NCKAP1L: variants seen among roughly 807,000 people sequenced by gnomAD.
The protein encoded by NCKAP1L is NCK associated protein 1 like.
Under a neutral mutation model 139.2 loss-of-function variants are expected in NCKAP1L, and 53 were observed. The observed-to-expected ratio is 0.38, with a 90% CI of 0.31 to 0.48. NCKAP1L has a LOEUF of 0.48. Ranked by LOEUF, NCKAP1L falls within the 20% of genes least tolerant of loss-of-function variation. NCKAP1L has a pLI of 0.98. For missense variants in NCKAP1L, 1,151 were observed against 1,381.9 expected, an observed-to-expected ratio of 0.83 and a Z score of 2.65; for synonymous variants, 468 against 499.7, an observed-to-expected ratio of 0.94 and a Z score of 0.85.
At chr12:54,518,101 G>C (rs1345393400) in intron 13 of NCKAP1L, among the ~76,000 whole-genome samples, 163 bp downstream of exon 13, 1 of 152,044 alleles carries the variant, frequency 6.6e-6, no homozygotes, top group Non-Finnish European at 1.5e-5. Flanking sequence ...AGCACTTTGG[G>C]AGGCCTAGGC....
Position 54,498,724 on chromosome 12 carries a change from C to G in NCKAP1L, c.103-631C>G, listed in dbSNP as rs1592333899. On this transcript the variant is annotated intron_variant, in intron 1 of 30. Transcript: ENST00000293373. The stretch of plus-strand genomic sequence containing the variant: ...TCTTGTACAAAGTCTAACTCCTGAG[C>G]AGCTGCTTTTCTTGTTCCTTCCGGC... The G allele has an allele frequency of 5.5e-6, 5 of 903,426 alleles. No homozygotes were observed. In the South Asian group the frequency reaches 1.5e-4, roughly 28 times the overall value. 56.0% of individuals were successfully genotyped at this position (903,426 alleles called of 1,614,324 possible).
chr12:54,514,857 G>C (rs945403777), intron 9 of NCKAP1L, among the ~76,000 whole-genome samples: 1 of 152,134 alleles, frequency 6.6e-6, no homozygotes, highest in African/African-American at 2.4e-5. Flanking sequence ...AGTTACAGGA[G>C]GTGGATTTGG....
At chr12:54,521,315 C>A in intron 18 of NCKAP1L, 77 bp downstream of exon 18, 1 of 1,571,586 alleles carries the variant, frequency 6.4e-7, no homozygotes, top group Non-Finnish European at 8.7e-7. Context: ...CTTTGTTTCC[C>A]TCTCAGATGC....
In NCKAP1L at chr12:54,518,638, G is replaced by A. The variant is rs184215810; in HGVS notation, c.1339-13G>A. ...CTGTGCCCACTTGACAGTAACTGCA[G>A]CTCCTTTTTTAGAACTTGTCTGTGT... On this transcript the variant is annotated splice_polypyrimidine_tract_variant and intron_variant, in intron 13 of 30. Coordinates refer to ENST00000293373, the MANE Select transcript of NCKAP1L (RefSeq NM_005337.5). 1.2e-5 allele frequency: 20 copies of A among 1,612,506 alleles called. No homozygotes were observed. In the East Asian group the frequency reaches 1.8e-4, roughly 14 times the overall value.
At chr12:54,538,092 C>T (rs1022357300) in intron 29 of NCKAP1L, among the ~76,000 whole-genome samples, 1 of 152,116 alleles carries the variant, frequency 6.6e-6, no homozygotes. Context: ...AGTATGGTCC[C>T]GATATAAGAA....
rs781478498 is a variant in NCKAP1L at position 54,536,169 on chromosome 12, G to A, written c.2997G>A (p.Leu999=). 2 of 1,613,368 alleles carry A rather than the reference G, an allele frequency of 1.2e-6. No individual in the cohort carries two copies. The highest frequency in any genetic ancestry group is 1.3e-5 in the African/African-American group (1 of 74,864). ...SPEEEYKVAC[L]LLIFLAVSLP... ...AGGAGGAATATAAGGTGGCCTGCCT[G>A]CTCTTGATCTTTCTGGCAGTTTCCC... The change falls in exon 28 of 31, where the codon CTG becomes CTA. Residue 999 remains leucine, a synonymous_variant. Transcript: ENST00000293373.
At chr12:54,538,837 G>A (rs1957133851) in intron 29 of NCKAP1L, 47 bp from the exon 30 acceptor site, 4 of 1,440,556 alleles carry the variant, frequency 2.8e-6, no homozygotes, top group Non-Finnish European at 3.9e-6. Context: ...GAGGCCATTT[G>A]ATACTGACCT....
chr12:54,519,199 G>A lies in NCKAP1L; in HGVS notation c.1492G>A (p.Val498Met), dbSNP rs761500036. 102 of 1,565,132 alleles carry A rather than the reference G, an allele frequency of 6.5e-5. No individual in the cohort carries two copies. The highest frequency in any genetic ancestry group is 7.9e-5 in the Non-Finnish European group (92 of 1,163,576). Reference protein sequence around the residue: ...DWFRLQAYTSVAKAPLHLHEN... With the variant: ...DWFRLQAYTSMAKAPLHLHEN... Reference sequence around the variant, plus strand: ...ACTCCAACCGCAGGCATACACTAGCGTGGCTAAGGCCCCTCTGCACCTGCA... The same window carrying A: ...ACTCCAACCGCAGGCATACACTAGCATGGCTAAGGCCCCTCTGCACCTGCA... The change falls in exon 16 of 31, where the codon GTG becomes ATG. Residue 498 changes from valine (V) to methionine (M), a missense_variant. By Grantham distance (21) the Val-to-Met change is conservative. Coordinates refer to ENST00000293373, the MANE Select transcript of NCKAP1L (RefSeq NM_005337.5).
intron 27 of NCKAP1L, 22 bp downstream of exon 27, chr12:54,535,219 G>A (rs550993322): frequency 2.1e-5 from 33 of 1,589,906 alleles, no homozygotes; most frequent in African/African-American, 2.7e-5. Flanking sequence ...GAAAGGGGGC[G>A]AGATTTGGGA....
At chr12:54,540,538 C>T (rs974301769) in intron 30 of NCKAP1L, among the ~76,000 whole-genome samples, 1 of 152,200 alleles carries the variant, frequency 6.6e-6, no homozygotes, top group African/African-American at 2.4e-5. Context: ...CTTCGGCTCT[C>T]TATCCATAAA....
chr12:54,533,577 CT>C (rs531666612), intron 26 of NCKAP1L, among the ~76,000 whole-genome samples: 19,568 of 147,858 alleles, frequency 0.13, 1,574 homozygotes, highest in Middle Eastern at 0.24. Context: ...CTGTGGGATT[CT>C]TTTTTTTTTT....
chr12:54,512,222 T>C, intron 9 of NCKAP1L, 117 bp downstream of exon 9: 1 of 1,112,692 alleles, frequency 9.0e-7, no homozygotes, highest in South Asian at 1.6e-5. Context: ...ATTCTAACTA[T>C]TGAAGAAATA....
At position 54,520,776 on chromosome 12, in the gene NCKAP1L, C is replaced by T. The variant is rs750507701; in HGVS notation, c.1708C>T (p.Leu570=). 2 of 1,614,124 alleles carry T rather than the reference C, an allele frequency of 1.2e-6. No homozygotes were observed. Among genetic ancestry groups the T allele is most frequent in the Admixed American group, 1.7e-5 (1 of 60,010 alleles). The change falls in exon 17 of 31, where the codon CTG becomes TTG. Residue 570 remains leucine (L), a synonymous_variant. Transcript: ENST00000293373. ...AMLRYAIAFP[L]ICAHFVHCTH... ...GTTGCGTTATGCCATTGCTTTCCCC[C>T]TGATTTGTGCTCACTTTGTCCACTG...
chr12:54,501,002 G>A (rs1245631544), intron 3 of NCKAP1L: 1 of 167,076 alleles, frequency 6.0e-6, no homozygotes, highest in East Asian at 1.7e-4. Flanking sequence ...AAAATTTACT[G>A]TCTTAACCAT....
intron 5 of NCKAP1L, among the ~76,000 whole-genome samples, chr12:54,509,342 A>G (rs1956868230): frequency 6.6e-6 from 1 of 152,206 alleles, no homozygotes; most frequent in African/African-American, 2.4e-5. Context: ...TGGGTTGTAT[A>G]ACGATTTGAA....
In NCKAP1L at chr12:54,545,651, A is replaced by C. The variant is rs1290784598; in HGVS notation, c.*2966A>C. ...AAAATAAGTTGTGTCCCAGGTTGTAAGTTTGCTTTACTTAGGCCCAAAGGA... is the reference window on the plus strand; with the variant it reads ...AAAATAAGTTGTGTCCCAGGTTGTACGTTTGCTTTACTTAGGCCCAAAGGA... On this transcript the variant is annotated 3_prime_UTR_variant, in exon 31 of 31. Transcript: ENST00000293373. 1.3e-5 allele frequency: 2 copies of C among 152,220 alleles called. No individual in the cohort carries two copies. Among genetic ancestry groups the C allele is most frequent in the Non-Finnish European group, 2.9e-5 (2 of 68,034 alleles). The allele number at this position is 152,220 out of a possible 1,614,324, so 9.4% of individuals were successfully genotyped here. A position where few individuals can be genotyped will look rare whatever the true frequency, so the allele number is the denominator to read the frequency against.
intron 9 of NCKAP1L, among the ~76,000 whole-genome samples, chr12:54,513,278 G>A (rs565777122): frequency 3.3e-5 from 5 of 152,222 alleles, no homozygotes; most frequent in South Asian, 4.1e-4. Flanking sequence ...AAGTAAGTTT[G>A]TGGGAGAAAG....
chr12:54,503,986 A>T (rs1378562498), intron 3 of NCKAP1L, among the ~76,000 whole-genome samples: 1 of 152,202 alleles, frequency 6.6e-6, no homozygotes, highest in Non-Finnish European at 1.5e-5. Context: ...TGTTCATCAT[A>T]TGTTGTTTAA....
rs1392902458 is a variant in NCKAP1L, at chr12:54,531,804, G to A, written c.2760G>A (p.Met920Ile). 2 of 1,611,894 alleles carry A rather than the reference G, an allele frequency of 1.2e-6. No homozygotes were observed. Among genetic ancestry groups the A allele is most frequent in the East Asian group, 2.2e-5 (1 of 44,764 alleles). ...GGGTTATCCTCAGTTTCAGGGCCATGGCCCAAGAGGGACTTCGGGAGGTGA... is the reference window on the plus strand; with the variant it reads ...GGGTTATCCTCAGTTTCAGGGCCATAGCCCAAGAGGGACTTCGGGAGGTGA... ...IIGVILSFRA[M>I]AQEGLREVFS... is the part of the protein sequence containing the mutation. The change falls in exon 25 of 31, where the codon ATG becomes ATA. Residue 920 changes from methionine (M) to isoleucine (I), a missense_variant. Transcript: ENST00000293373.
Sources: gnomAD v4.1 joint callset for allele counts (sites outside exome capture counted in the v4.1 genomes callset) on GRCh38, gnomAD v4.1.1 for gene constraint, MANE v1.5 for transcripts, NCBI Gene and HGNC (gene_info 2026-07-23, HGNC 2026-07-21) for gene names.